Variants in PIAS1 observed in about 807,000 individuals in gnomAD.
PIAS1 encodes protein inhibitor of activated STAT 1.
In PIAS1, 6 loss-of-function variants were observed where a neutral mutation model predicts 71.3. The observed-to-expected ratio is 0.08, with a 90% CI of 0.05 to 0.17. The LOEUF is 0.17. Ranked by LOEUF, PIAS1 falls within the 10% of genes least tolerant of loss-of-function variation. The pLI is 1.00. For missense variants in PIAS1, 555 were observed against 793.6 expected (o/e 0.70, Z 3.61); for synonymous variants, 303 against 292.9 (o/e 1.03, Z -0.35).
chr15:68,155,527 CA>C (rs1291808628), intron 7 of PIAS1, among the ~76,000 whole-genome samples: 1 of 143,404 alleles, frequency 7.0e-6, no homozygotes, highest in Non-Finnish European at 1.5e-5. Flanking sequence ...AATAACTTGA[CA>C]AAAGGAAATG....
At chr15:68,177,564 CAG>C (rs1015101835) in intron 11 of PIAS1, among the ~76,000 whole-genome samples, 1 of 152,166 alleles carries the variant, frequency 6.6e-6, no homozygotes, top group Non-Finnish European at 1.5e-5. Flanking sequence ...ATATCAATAA[CAG>C]TGTACCTAGG....
intron 8 of PIAS1, among the ~76,000 whole-genome samples, chr15:68,172,657 C>T (rs894911338): frequency 6.6e-6 from 1 of 152,208 alleles, no homozygotes; most frequent in Non-Finnish European, 1.5e-5. Flanking sequence ...GATAACTTCT[C>T]TGCTATATGG....
chr15:68,159,111 A>G (rs1308500444), intron 7 of PIAS1, among the ~76,000 whole-genome samples: 2 of 152,196 alleles, frequency 1.3e-5, no homozygotes, highest in Non-Finnish European at 2.9e-5. Flanking sequence ...TATTATAGTC[A>G]TATAATAAAA....
chr15:68,097,267 C>G (rs1586616), intron 2 of PIAS1, among the ~76,000 whole-genome samples: 6,118 of 152,022 alleles, frequency 0.04, 412 homozygotes, highest in African/African-American at 0.14. Context: ...ATGTAAAACC[C>G]TTTTCATATG....
chr15:68,185,980 C>CA lies in PIAS1; in HGVS notation c.1663-1554dup, dbSNP rs1555435061. Among the ~76,000 whole-genome samples the CA allele has an allele frequency of 1.3e-5, 2 of 148,726 alleles. No homozygotes were observed. Among genetic ancestry groups the CA allele is most frequent in the East Asian group, 2.0e-4 (1 of 5,030 alleles). ...GACTCCATCTCAAAAACAAAACAAACAAAAAAAACATGGGCCCTAACAATG... is the reference window on the plus strand; with the variant it reads ...GACTCCATCTCAAAAACAAAACAAACAAAAAAAAACATGGGCCCTAACAATG... On this transcript the variant is annotated intron_variant, in intron 13 of 13. Coordinates refer to ENST00000249636, the MANE Select transcript of PIAS1 (RefSeq NM_016166.3). The surrounding 1 kb of genome is among the most constrained non-coding windows in gnomAD (Gnocchi z 4.4).
chr15:68,113,100 A>G (rs1033398355), intron 2 of PIAS1, among the ~76,000 whole-genome samples: 15 of 152,194 alleles, frequency 9.9e-5, no homozygotes, highest in Non-Finnish European at 1.8e-4. Context: ...GCCATTAAAG[A>G]TATGTTTATT....
At chr15:68,095,688 G>T (rs532440188) in intron 2 of PIAS1, among the ~76,000 whole-genome samples, 2 of 151,846 alleles carry the variant, frequency 1.3e-5, no homozygotes, top group Admixed American at 1.3e-4. Context: ...CCACTGCCAC[G>T]CCTGGCTCAT....
intron 11 of PIAS1, 131 bp from the exon 12 acceptor site, chr15:68,181,081 T>C: frequency 1.5e-6 from 1 of 676,264 alleles, no homozygotes; most frequent in South Asian, 1.8e-5. Flanking sequence ...AAATTATACA[T>C]TGCTTTGCTT....
At chr15:68,080,653 C>A (rs2092220726) in intron 1 of PIAS1, among the ~76,000 whole-genome samples, 1 of 152,180 alleles carries the variant, frequency 6.6e-6, no homozygotes, top group South Asian at 2.1e-4. Context: ...AATGAAGAAT[C>A]TGACTTTGAA....
intron 2 of PIAS1, among the ~76,000 whole-genome samples, chr15:68,120,830 T>C (rs931891549): frequency 6.6e-6 from 1 of 152,200 alleles, no homozygotes. Flanking sequence ...AATTTTTGTA[T>C]TTTTAGTAGA....
intron 1 of PIAS1, among the ~76,000 whole-genome samples, chr15:68,058,183 G>T (rs1260379029): frequency 6.6e-6 from 1 of 152,214 alleles, no homozygotes; most frequent in East Asian, 1.9e-4. Context: ...ATGATGAGAT[G>T]TAGCCTTTCA....
intron 1 of PIAS1, among the ~76,000 whole-genome samples, chr15:68,074,990 G>C (rs1597134521): frequency 1.4e-5 from 2 of 141,148 alleles, no homozygotes; most frequent in African/African-American, 5.2e-5. Flanking sequence ...TGTGTAATAT[G>C]TTTTCATGAG....
At chr15:68,058,468 T>C (rs909851674) in intron 1 of PIAS1, among the ~76,000 whole-genome samples, 1 of 152,166 alleles carries the variant, frequency 6.6e-6, no homozygotes, top group African/African-American at 2.4e-5. Flanking sequence ...GTCATACAAA[T>C]AAAAGTGGCA....
chr15:68,161,278 A>G (rs2092922408), intron 7 of PIAS1, among the ~76,000 whole-genome samples: 1 of 152,258 alleles, frequency 6.6e-6, no homozygotes, highest in African/African-American at 2.4e-5. Flanking sequence ...ACTACAAAGC[A>G]TGGTTGAGAA....
intron 7 of PIAS1, among the ~76,000 whole-genome samples, chr15:68,155,626 G>C (rs2092883836): frequency 6.6e-6 from 1 of 152,002 alleles, no homozygotes; most frequent in African/African-American, 2.4e-5. Context: ...CAAAGTTTTA[G>C]TAGTCAAGCC....
At chr15:68,153,519 A>G in intron 6 of PIAS1, 71 bp from the exon 7 acceptor site, 1 of 698,018 alleles carries the variant, frequency 1.4e-6, no homozygotes, top group Non-Finnish European at 2.5e-6. Context: ...TTTCCCTATC[A>G]TGGTGAGATT....
At chr15:68,149,459 T>C (rs2092831319) in intron 6 of PIAS1, among the ~76,000 whole-genome samples, 1 of 152,038 alleles carries the variant, frequency 6.6e-6, no homozygotes, top group African/African-American at 2.4e-5. Flanking sequence ...TTTAAAGTTA[T>C]AGATTAAGTT....
chr15:68,168,229 G>A (rs1367261905), intron 8 of PIAS1, among the ~76,000 whole-genome samples: 2 of 150,936 alleles, frequency 1.3e-5, no homozygotes, highest in South Asian at 2.1e-4. Context: ...GGCTAGTCTG[G>A]AACTCCTGAC....
At chr15:68,061,950 C>T (rs577522948) in intron 1 of PIAS1, among the ~76,000 whole-genome samples, 1 of 152,308 alleles carries the variant, frequency 6.6e-6, no homozygotes, top group Admixed American at 6.5e-5. Flanking sequence ...CCCCATTCTC[C>T]CATCCCTACC....
Sources: gnomAD v4.1 joint callset for allele counts (sites outside exome capture counted in the v4.1 genomes callset) on GRCh38, gnomAD v4.1.1 for gene constraint, Gnocchi (gnomAD v3.1) non-coding constraint, MANE v1.5 for transcripts, NCBI Gene and HGNC (gene_info 2026-07-23, HGNC 2026-07-21) for gene names.